Variants in CPAP observed in about 807,000 individuals in gnomAD.
CPAP encodes the protein centrosome assembly and centriole elongation protein.
chr13:24,917,837 G>C, the CPAP span, among the ~76,000 whole-genome samples: 33 of 152,206 alleles, frequency 2.2e-4, no homozygotes, highest in African/African-American at 8.0e-4. Flanking sequence ...TGGGGGAAGA[G>C]TAGAAAGGCA....
At chr13:24,889,259 A>G in the CPAP span, 1 of 1,165,444 alleles carries the variant, frequency 8.6e-7, no homozygotes, top group Non-Finnish European at 1.3e-6. Flanking sequence ...GTTGGGTATA[A>G]ATTGTTTATT....
the CPAP span, chr13:24,885,938 T>G: frequency 2.1e-6 from 1 of 479,362 alleles, no homozygotes; most frequent in Non-Finnish European, 3.8e-6. Flanking sequence ...CCCAAATGTA[T>G]TTCAGAGACA....
chr13:24,898,627 TAAAG>T, the CPAP span, among the ~76,000 whole-genome samples: 2 of 152,064 alleles, frequency 1.3e-5, no homozygotes, highest in African/African-American at 2.4e-5. Flanking sequence ...CCCACAAAAA[TAAAG>T]AAGGAGAATT....
chr13:24,887,231 TAGG>T, the CPAP span, among the ~76,000 whole-genome samples: 6 of 152,194 alleles, frequency 3.9e-5, no homozygotes, highest in African/African-American at 1.2e-4. Context: ...AGCCATGAAC[TAGG>T]AGAAGATACT....
At chr13:24,892,847 T>G in the CPAP span, 1 of 1,609,552 alleles carries the variant, frequency 6.2e-7, no homozygotes, top group Non-Finnish European at 8.5e-7. Flanking sequence ...CCCGTAAATC[T>G]GCTATTTGCT....
the CPAP span, among the ~76,000 whole-genome samples, chr13:24,924,109 A>C: frequency 6.6e-6 from 1 of 152,212 alleles, no homozygotes; most frequent in Non-Finnish European, 1.5e-5. Context: ...CTGGAATTAC[A>C]GGCGTGAGCC....
At chr13:24,883,826 G>T in the CPAP span, 1 of 916,958 alleles carries the variant, frequency 1.1e-6, no homozygotes, top group Non-Finnish European at 1.8e-6. Flanking sequence ...TGACATGCCT[G>T]TGGGACATTC....
the CPAP span, among the ~76,000 whole-genome samples, chr13:24,927,887 T>A: frequency 1.3e-5 from 2 of 152,244 alleles, no homozygotes; most frequent in Non-Finnish European, 2.9e-5. Flanking sequence ...GGTACAGATG[T>A]CCTCTCCTTG....
the CPAP span, among the ~76,000 whole-genome samples, chr13:24,909,222 C>A: frequency 6.6e-6 from 1 of 152,018 alleles, no homozygotes; most frequent in Non-Finnish European, 1.5e-5. Context: ...TGAATTAACT[C>A]TAAATTAGGA....
At chr13:24,913,204 A>G in the CPAP span, 8 of 595,546 alleles carry the variant, frequency 1.3e-5, no homozygotes, top group Middle Eastern at 4.4e-4. Flanking sequence ...TTCATATACA[A>G]AAGACCTTAA....
At chr13:24,897,647 G>C in the CPAP span, among the ~76,000 whole-genome samples, 1,140 of 152,138 alleles carry the variant, frequency 7.5e-3, 15 homozygotes, top group African/African-American at 0.025. Flanking sequence ...GTTCTGTTAA[G>C]ATACATAATG....
chr13:24,886,373 G>C, the CPAP span: 1 of 1,289,096 alleles, frequency 7.8e-7, no homozygotes, highest in African/African-American at 1.5e-5. Flanking sequence ...CGTGTGAGGC[G>C]GCTGTGCTGT....
the CPAP span, among the ~76,000 whole-genome samples, chr13:24,914,306 A>G: frequency 1.3e-5 from 2 of 152,140 alleles, 1 homozygote; most frequent in Non-Finnish European, 2.9e-5. Context: ...CCATTCCTCC[A>G]GAAACCCCCA....
At chr13:24,909,215 A>C in the CPAP span, among the ~76,000 whole-genome samples, 1 of 152,148 alleles carries the variant, frequency 6.6e-6, no homozygotes, top group African/African-American at 2.4e-5. Flanking sequence ...ACACCGATGA[A>C]TTAACTCTAA....
chr13:24,885,538 T>G, the CPAP span: 4 of 1,292,326 alleles, frequency 3.1e-6, no homozygotes, highest in Admixed American at 6.7e-5. Flanking sequence ...AAACGTTAAG[T>G]CTATTAACAA....
the CPAP span, among the ~76,000 whole-genome samples, chr13:24,902,610 A>C: frequency 5.9e-5 from 9 of 152,150 alleles, no homozygotes; most frequent in African/African-American, 2.2e-4. Context: ...TAGAATTCAT[A>C]TTTTTCAGGT....
chr13:24,904,447 A>C, the CPAP span, among the ~76,000 whole-genome samples: 1 of 152,226 alleles, frequency 6.6e-6, no homozygotes, highest in African/African-American at 2.4e-5. Context: ...AAATAAATGC[A>C]AATTGTTTTC....
chr13:24,885,397 A>G, the CPAP span: 1 of 1,575,820 alleles, frequency 6.3e-7, no homozygotes, highest in Non-Finnish European at 8.7e-7. Flanking sequence ...CTGTAAGCAC[A>G]ACACATTTCA....
the CPAP span, among the ~76,000 whole-genome samples, chr13:24,904,923 G>A: frequency 1.3e-5 from 2 of 152,266 alleles, no homozygotes; most frequent in East Asian, 1.9e-4. Flanking sequence ...GTGTACATGC[G>A]TTAGAACAAT....
Sources: allele counts gnomAD v4.1 joint callset (sites outside exome capture counted in the v4.1 genomes callset), GRCh38; gene constraint gnomAD v4.1.1; transcripts MANE v1.5; gene names NCBI Gene and HGNC (gene_info 2026-07-23, HGNC 2026-07-21).